GPHN: variants seen among roughly 807,000 people sequenced by gnomAD.
GPHN encodes the protein gephyrin.
Under a neutral mutation model 95.5 loss-of-function variants are expected in GPHN, and 17 were observed. The observed-to-expected ratio is 0.18, with a 90% CI of 0.12 to 0.27. The LOEUF is 0.27. Among genes scored for constraint, GPHN ranks in the 10% least tolerant of loss-of-function variants. The pLI, the probability that GPHN is intolerant of heterozygous loss-of-function variation, is 1.00. For missense variants in GPHN, 660 were observed against 978.1 expected, an observed-to-expected ratio of 0.67 and a Z score of 4.34; for synonymous variants, 320 against 322.5, an observed-to-expected ratio of 0.99 and a Z score of 0.08.
chr14:66,862,665 C>T (rs1027512875), intron 4 of GPHN, among the ~76,000 whole-genome samples: 23 of 151,924 alleles, frequency 1.5e-4, no homozygotes, highest in African/African-American at 5.1e-4. Flanking sequence ...TCTTGGCAAG[C>T]GTACAAGGAT....
the GPHN span, among the ~76,000 whole-genome samples, chr14:67,666,827 T>C: frequency 8.7e-4 from 132 of 152,310 alleles, no homozygotes; most frequent in Non-Finnish European, 9.7e-4. Context: ...GGCTTTTCTG[T>C]ATATTAAACA....
chr14:67,478,718 C>T, the GPHN span, among the ~76,000 whole-genome samples: 208 of 152,268 alleles, frequency 1.4e-3, no homozygotes, highest in Non-Finnish European at 1.9e-3. Context: ...CCACCCAGGG[C>T]CGGTGAACCC....
At chr14:66,645,342 A>G (rs1261431465) in intron 1 of GPHN, among the ~76,000 whole-genome samples, 1 of 152,160 alleles carries the variant, frequency 6.6e-6, no homozygotes, top group Non-Finnish European at 1.5e-5. Flanking sequence ...TGATTTGCTT[A>G]TAATACATCA....
At chr14:67,225,298 A>G in the GPHN span, 2 of 1,391,980 alleles carry the variant, frequency 1.4e-6, no homozygotes, top group Non-Finnish European at 1.9e-6. Flanking sequence ...CTATAGGAAT[A>G]CATGATAGCT....
intron 3 of GPHN, among the ~76,000 whole-genome samples, chr14:66,804,161 G>A (rs1284371359): frequency 6.6e-6 from 1 of 152,188 alleles, no homozygotes. Context: ...CAGAAAGTGT[G>A]AGAAATCAAT....
At chr14:67,249,055 C>T in the GPHN span, among the ~76,000 whole-genome samples, 6 of 151,996 alleles carry the variant, frequency 3.9e-5, no homozygotes, top group African/African-American at 1.2e-4. Context: ...CTCTGCCTCC[C>T]GGGTTCAAGT....
intron 11 of GPHN, among the ~76,000 whole-genome samples, chr14:67,079,847 A>G (rs1347720345): frequency 6.6e-6 from 1 of 152,054 alleles, no homozygotes; most frequent in Non-Finnish European, 1.5e-5. Flanking sequence ...CTATTAATGA[A>G]CATTTGAGTT....
chr14:67,374,291 C>T, the GPHN span, among the ~76,000 whole-genome samples: 1 of 152,098 alleles, frequency 6.6e-6, no homozygotes, highest in Non-Finnish European at 1.5e-5. Flanking sequence ...TGGTCCCAAG[C>T]ATTTCTGATG....
chr14:66,563,058 C>T (rs185291380), intron 1 of GPHN, among the ~76,000 whole-genome samples: 281 of 152,156 alleles, frequency 1.8e-3, no homozygotes, highest in Non-Finnish European at 3.1e-3. Flanking sequence ...ATTCTGCCTA[C>T]AAACTATGCA....
At chr14:67,162,403 A>T (rs1376490125) in intron 19 of GPHN, among the ~76,000 whole-genome samples, 1 of 152,246 alleles carries the variant, frequency 6.6e-6, no homozygotes, top group African/African-American at 2.4e-5. Context: ...CTTAAAGGTA[A>T]TTGCTACTTA....
At chr14:66,980,956 G>A (rs541495645) in intron 9 of GPHN, among the ~76,000 whole-genome samples, 1 of 152,306 alleles carries the variant, frequency 6.6e-6, no homozygotes, top group South Asian at 2.1e-4. Context: ...GGCTGAGGCA[G>A]GAGAATCACT....
intron 3 of GPHN, among the ~76,000 whole-genome samples, chr14:66,819,150 G>T (rs911678025): frequency 3.3e-5 from 5 of 152,128 alleles, no homozygotes; most frequent in Admixed American, 2.6e-4. Context: ...TCTTTGTCAT[G>T]AATTCTTTGC....
chr14:67,450,900 A>G, the GPHN span, among the ~76,000 whole-genome samples: 2 of 152,224 alleles, frequency 1.3e-5, no homozygotes, highest in Non-Finnish European at 2.9e-5. Context: ...AGAGGTCTTC[A>G]TGGCAGCCCC....
At chr14:66,995,908 A>G (rs140301397) in intron 9 of GPHN, among the ~76,000 whole-genome samples, 66 of 152,298 alleles carry the variant, frequency 4.3e-4, no homozygotes, top group African/African-American at 1.4e-3. Flanking sequence ...TTCTTAAATG[A>G]GGATCTTCTC....
At chr14:66,819,221 GT>G (rs1345117243) in intron 3 of GPHN, among the ~76,000 whole-genome samples, 2 of 152,070 alleles carry the variant, frequency 1.3e-5, no homozygotes, top group East Asian at 3.8e-4. Flanking sequence ...ATAGTTTTGG[GT>G]TTTATATTTA....
chr14:67,077,971 C>T (rs1009901627), intron 11 of GPHN, among the ~76,000 whole-genome samples: 2 of 152,134 alleles, frequency 1.3e-5, no homozygotes, highest in African/African-American at 4.8e-5. Flanking sequence ...TTCTGACACT[C>T]TGTAGAATCC....
chr14:67,364,721 TTC>T, the GPHN span: 1 of 1,534,254 alleles, frequency 6.5e-7, no homozygotes. Context: ...TTTTTTTATT[TTC>T]ACCTTAACTG....
chr14:66,780,738 CTG>C (rs893805930), intron 3 of GPHN, among the ~76,000 whole-genome samples: 2 of 152,016 alleles, frequency 1.3e-5, no homozygotes, highest in African/African-American at 4.8e-5. Context: ...CAAAGAAAAA[CTG>C]TTCTAAAACA....
the GPHN span, among the ~76,000 whole-genome samples, chr14:67,189,062 A>G: frequency 1.3e-5 from 2 of 152,310 alleles, no homozygotes; most frequent in Admixed American, 6.5e-5. Flanking sequence ...ACAGAGGCTC[A>G]AAGTGCCTTA....
Sources: gnomAD v4.1 joint callset for allele counts (sites outside exome capture counted in the v4.1 genomes callset) on GRCh38, gnomAD v4.1.1 for gene constraint, MANE v1.5 for transcripts, NCBI Gene and HGNC (gene_info 2026-07-23, HGNC 2026-07-21) for gene names.